The following MYO16 variants were observed in gnomAD, a reference collection of about 807,000 sequenced individuals.
MYO16 encodes the protein unconventional myosin-XVI.
MYO16 carries 94 observed loss-of-function variants against 205.3 expected under a neutral mutation model. That is an observed-to-expected ratio of 0.46 (90% CI 0.39 to 0.54). MYO16 has a LOEUF of 0.54. MYO16 is among the 20% of genes least tolerant of loss of function. The pLI is 0.00. For synonymous variants in MYO16, 988 were observed against 954.0 expected (o/e 1.04, Z -0.66); for missense variants, 2,315 against 2,387.5 (o/e 0.97, Z 0.63).
At chr13:109,124,104 A>T (rs1031899715) in intron 29 of MYO16, among the ~76,000 whole-genome samples, 1 of 152,146 alleles carries the variant, frequency 6.6e-6, no homozygotes, top group Non-Finnish European at 1.5e-5. Context: ...GGCCTTGTAC[A>T]CACTCAGGGC....
rs1441879976 is a variant in MYO16 at position 108,712,643 on chromosome 13, C to T, written c.293-18C>T. The T allele has an allele frequency of 6.2e-7, 1 of 1,611,438 alleles. No individual in the cohort carries two copies. The highest frequency in any genetic ancestry group is 1.1e-5 in the South Asian group (1 of 91,040). On this transcript the variant is annotated intron_variant, in intron 2 of 34. Coordinates refer to ENST00000457511, the MANE Select transcript of MYO16 (RefSeq NM_001198950.3). The stretch of plus-strand genomic sequence containing the variant: ...GAAGGACTCTCTGTAACTCCATTCT[C>T]CTCTCTGTTGTTTTCAGTGCTTCGG...
At chr13:108,684,297 G>C in intron 2 of MYO16, among the ~76,000 whole-genome samples, 1 of 152,140 alleles carries the variant, frequency 6.6e-6, no homozygotes, top group Non-Finnish European at 1.5e-5. Flanking sequence ...GTGTGTTTTG[G>C]CTTGTGTCTC....
At chr13:108,793,052 G>A (rs1321568299) in intron 5 of MYO16, among the ~76,000 whole-genome samples, 1 of 152,116 alleles carries the variant, frequency 6.6e-6, no homozygotes, top group Non-Finnish European at 1.5e-5. Flanking sequence ...GGGAAGCCGA[G>A]GTGGGAGGAT....
At chr13:108,813,944 G>A (rs1008620293) in intron 7 of MYO16, among the ~76,000 whole-genome samples, 10 of 152,096 alleles carry the variant, frequency 6.6e-5, no homozygotes, top group African/African-American at 2.4e-4. Flanking sequence ...ATTTCTAATT[G>A]GAAGCACATA....
intron 31 of MYO16, among the ~76,000 whole-genome samples, chr13:109,129,790 C>T (rs1876440426): frequency 2.0e-5 from 3 of 152,040 alleles, no homozygotes; most frequent in Admixed American, 1.3e-4. Context: ...AGCTTGAACC[C>T]TGCAAACAGG....
In MYO16 at chr13:108,927,866, G is replaced by A. The variant is rs576753654; in HGVS notation, c.1925+17716G>A. Reference sequence around the variant, plus strand: ...GCACTCCGGAGTGCCCGAGGTCACCGGGCCAACGCGTGCACCTGGCCTGGA... The same window carrying A: ...GCACTCCGGAGTGCCCGAGGTCACCAGGCCAACGCGTGCACCTGGCCTGGA... On this transcript the variant is annotated intron_variant, in intron 16 of 34. Transcript: ENST00000457511. Among the ~76,000 whole-genome samples the A allele has an allele frequency of 1.8e-3, 274 of 152,230 alleles. 1 individual carries two copies. Among genetic ancestry groups the A allele is most frequent in the Non-Finnish European group, 3.4e-3 (231 of 68,036 alleles).
Position 109,120,385 on chromosome 13 carries a change from G to A in MYO16, c.3454G>A (p.Val1152Met). ...TGCATTTTAGATGGGAGTCCGAAAAGTGTTTCTAAAATACTGGCATGCTGA... is the reference window on the plus strand; with the variant it reads ...TGCATTTTAGATGGGAGTCCGAAAAATGTTTCTAAAATACTGGCATGCTGA... ...LQGWQMGVRK[V>M]FLKYWHADQL... The change falls in exon 29 of 35, where the codon GTG becomes ATG. Residue 1152 changes from valine to methionine, a missense_variant. Around this residue, in one of 3 missense-constraint regions of MYO16, gnomAD observed 1,097 missense variants for 1,092.0 expected, o/e 1.00. Coordinates refer to ENST00000457511, the MANE Select transcript of MYO16 (RefSeq NM_001198950.3). 1 of 1,604,714 alleles carries A rather than the reference G, an allele frequency of 6.2e-7. No individual in the cohort carries two copies. Among genetic ancestry groups the A allele is most frequent in the Non-Finnish European group, 8.5e-7 (1 of 1,176,078 alleles).
At chr13:109,057,324 TG>T (rs1399832227) in intron 27 of MYO16, among the ~76,000 whole-genome samples, 12 of 152,100 alleles carry the variant, frequency 7.9e-5, no homozygotes, top group African/African-American at 2.9e-4. Context: ...CAGAACCACA[TG>T]GGGATGGATG....
chr13:108,598,726 G>A (rs1309704508), intron 1 of MYO16, among the ~76,000 whole-genome samples: 1 of 152,118 alleles, frequency 6.6e-6, no homozygotes, highest in East Asian at 1.9e-4. Flanking sequence ...TTTATTCATT[G>A]GAACATAAAA....
chr13:108,588,104 G>A, the MYO16 span, among the ~76,000 whole-genome samples: 57 of 151,830 alleles, frequency 3.8e-4, no homozygotes, highest in African/African-American at 1.3e-3. Context: ...TATTTTTTCC[G>A]AGCTTTTTAT....
At chr13:108,790,645 T>C (rs1886590011) in intron 5 of MYO16, among the ~76,000 whole-genome samples, 1 of 152,160 alleles carries the variant, frequency 6.6e-6, no homozygotes, top group African/African-American at 2.4e-5. Context: ...GAGTTTCTGT[T>C]GTGTTGTATT....
intron 16 of MYO16, among the ~76,000 whole-genome samples, chr13:108,923,247 G>A (rs909594458): frequency 5.9e-5 from 9 of 152,190 alleles, no homozygotes; most frequent in African/African-American, 9.7e-5. Flanking sequence ...TGTCACTCTC[G>A]CAAGATGCGG....
chr13:108,608,259 T>C (rs1879034761), intron 1 of MYO16, among the ~76,000 whole-genome samples: 2 of 152,216 alleles, frequency 1.3e-5, no homozygotes, highest in Non-Finnish European at 2.9e-5. Flanking sequence ...TTGTAGCTCC[T>C]GGTGGCATGG....
At chr13:108,810,542 A>G (rs563271958) in intron 7 of MYO16, among the ~76,000 whole-genome samples, 1 of 152,344 alleles carries the variant, frequency 6.6e-6, no homozygotes, top group South Asian at 2.1e-4. Flanking sequence ...ATAGTATATG[A>G]CATCTAGAAT....
At chr13:108,602,207 A>G (rs1411535468) in intron 1 of MYO16, among the ~76,000 whole-genome samples, 2 of 151,838 alleles carry the variant, frequency 1.3e-5, no homozygotes, top group African/African-American at 2.4e-5. Flanking sequence ...TCTGAGAAGT[A>G]CATGTCTGTG....
At chr13:108,550,154 A>T in the MYO16 span, among the ~76,000 whole-genome samples, 3 of 152,252 alleles carry the variant, frequency 2.0e-5, no homozygotes, top group Non-Finnish European at 1.5e-5. Context: ...CCTCAGAGAC[A>T]CTTCAGCCAC....
At chr13:108,666,520 A>G (rs889665439) in intron 2 of MYO16, among the ~76,000 whole-genome samples, 1 of 152,020 alleles carries the variant, frequency 6.6e-6, no homozygotes, top group African/African-American at 2.4e-5. Context: ...ACAGGGTCCC[A>G]CTATGTTGAC....
chr13:109,045,134 C>A (rs1002134804), intron 23 of MYO16, among the ~76,000 whole-genome samples: 2 of 152,186 alleles, frequency 1.3e-5, no homozygotes, highest in African/African-American at 4.8e-5. Context: ...TTGACTTCTC[C>A]ATGGTTTTGC....
intron 1 of MYO16, among the ~76,000 whole-genome samples, chr13:108,596,804 G>T (rs962236369): frequency 3.9e-5 from 6 of 152,052 alleles, no homozygotes; most frequent in African/African-American, 1.4e-4. Context: ...TAGGTTGTCT[G>T]AATTTTTCAG....
Sources: gnomAD v4.1 joint callset for allele counts (sites outside exome capture counted in the v4.1 genomes callset) on GRCh38, gnomAD v4.1.1 for gene constraint, gnomAD v4.1.1 regional missense constraint, MANE v1.5 for transcripts, NCBI Gene and HGNC (gene_info 2026-07-23, HGNC 2026-07-21) for gene names.